WWOX: variants seen among roughly 807,000 people sequenced by gnomAD.
WWOX encodes WW domain containing oxidoreductase.
Under a neutral mutation model 46.2 loss-of-function variants are expected in WWOX, and 69 were observed. The observed-to-expected ratio is 1.49, with a 90% CI of 1.23 to 1.82. WWOX has a LOEUF of 1.82. WWOX is among the 40% of genes most tolerant of loss of function. WWOX has a pLI of 0.00. For synonymous variants in WWOX, 359 were observed against 202.6 expected (o/e 1.77, Z -6.56); for missense variants, 919 against 542.6 (o/e 1.69, Z -6.89).
chr16:78,897,259 A>AAAAAC (rs1555562311), intron 8 of WWOX: 1 of 149,722 alleles, frequency 6.7e-6, no homozygotes, highest in Non-Finnish European at 1.5e-5. Flanking sequence ...AAAAAAAAAA[A>AAAAAC]AAAAAAACCA....
chr16:78,420,814 C>A (rs1433983167), intron 6 of WWOX, among the ~76,000 whole-genome samples: 1 of 151,794 alleles, frequency 6.6e-6, no homozygotes, highest in East Asian at 1.9e-4. Context: ...TTAGCTAATG[C>A]TTATTGTAGA....
chr16:79,111,322 G>T (rs1332656046), intron 8 of WWOX, among the ~76,000 whole-genome samples: 1 of 152,144 alleles, frequency 6.6e-6, no homozygotes, highest in Non-Finnish European at 1.5e-5. Context: ...TTTAATTTTT[G>T]GTTTTGAAAA....
chr16:78,485,310 G>T (rs1597150685), intron 8 of WWOX, among the ~76,000 whole-genome samples: 3 of 152,106 alleles, frequency 2.0e-5, no homozygotes, highest in Admixed American at 2.0e-4. Context: ...GATCTTTTGG[G>T]TGGTTGATGT....
intron 8 of WWOX, among the ~76,000 whole-genome samples, chr16:78,485,533 G>A (rs964641617): frequency 6.6e-6 from 1 of 152,092 alleles, no homozygotes; most frequent in African/African-American, 2.4e-5. Flanking sequence ...CCTTTCAAAC[G>A]TTATTCCACA....
Position 78,421,732 on chromosome 16 carries a change from T to C in WWOX, c.606-3138T>C, listed in dbSNP as rs894869511. Among the ~76,000 whole-genome samples, 10 of 152,278 alleles carry C rather than the reference T, an allele frequency of 6.6e-5. No homozygotes were observed. In the South Asian group the frequency reaches 1.9e-3, roughly 28 times the overall value. On this transcript the variant is annotated intron_variant, in intron 6 of 8. Coordinates refer to ENST00000566780, the MANE Select transcript of WWOX (RefSeq NM_016373.4). ...TTTATATAGAATGGAAAAACAACAG[T>C]AAAGCTGGCTAAAACTTGATCTGCT... is the stretch of plus-strand genomic sequence containing the variant.
chr16:78,489,208 G>A (rs1014834648), intron 8 of WWOX, among the ~76,000 whole-genome samples: 1 of 152,154 alleles, frequency 6.6e-6, no homozygotes, highest in South Asian at 2.1e-4. Flanking sequence ...AGTCTAACCA[G>A]GATGATAATG....
intron 8 of WWOX, among the ~76,000 whole-genome samples, chr16:78,932,946 C>G (rs572258788): frequency 5.3e-5 from 8 of 152,182 alleles, no homozygotes; most frequent in African/African-American, 9.7e-5. Context: ...GCTGCCTGCC[C>G]TCTGGTTGAA....
intron 8 of WWOX, among the ~76,000 whole-genome samples, chr16:78,825,033 C>G (rs141720194): frequency 1.3e-5 from 2 of 152,190 alleles, no homozygotes; most frequent in East Asian, 1.9e-4. Flanking sequence ...TCTCACCATC[C>G]CCTAAACCCT....
At position 78,680,646 on chromosome 16, in the gene WWOX, C is replaced by G. The variant is rs551484288; in HGVS notation, c.1056+247894C>G. On this transcript the variant is annotated intron_variant, in intron 8 of 8. Coordinates refer to ENST00000566780, the MANE Select transcript of WWOX (RefSeq NM_016373.4). ...TTTTAAATAAAATTAAAGATTCAATCTCTCACTCACACATTACAAGTGCTA... is the reference window on the plus strand; with the variant it reads ...TTTTAAATAAAATTAAAGATTCAATGTCTCACTCACACATTACAAGTGCTA... Among the ~76,000 whole-genome samples, 6 of 152,324 alleles carry G rather than the reference C, an allele frequency of 3.9e-5. No individual in the cohort carries two copies. In the South Asian group the frequency reaches 1.2e-3, roughly 32 times the overall value.
Position 78,657,306 on chromosome 16 carries a change from C to T in WWOX, c.1056+224554C>T, listed in dbSNP as rs191420948. Among the ~76,000 whole-genome samples, 720 of 152,278 alleles carry T rather than the reference C, an allele frequency of 4.7e-3. 5 individuals are homozygous for T. Among genetic ancestry groups the T allele is most frequent in the South Asian group, 7.9e-3 (38 of 4,826 alleles). On this transcript the variant is annotated intron_variant, in intron 8 of 8. Coordinates refer to ENST00000566780, the MANE Select transcript of WWOX (RefSeq NM_016373.4). ...CTTCCACCCTTCCAAATGCCCTTAA[C>T]CCACAGATGGGAAGAAAATGAGGTG...
intron 8 of WWOX, among the ~76,000 whole-genome samples, chr16:78,809,374 A>C (rs919289442): frequency 6.6e-6 from 1 of 151,432 alleles, no homozygotes; most frequent in Non-Finnish European, 1.5e-5. Flanking sequence ...GCATTTTTCG[A>C]ATGAAAACTT....
At chr16:79,040,702 C>T (rs544958906) in intron 8 of WWOX, among the ~76,000 whole-genome samples, 2 of 152,096 alleles carry the variant, frequency 1.3e-5, no homozygotes, top group African/African-American at 2.4e-5. Context: ...GCAAAAGAGT[C>T]ACAGATCATT....
At chr16:78,796,945 C>G (rs912274675) in intron 8 of WWOX, among the ~76,000 whole-genome samples, 3 of 152,006 alleles carry the variant, frequency 2.0e-5, no homozygotes, top group African/African-American at 4.8e-5. Flanking sequence ...CCTGCCTCAG[C>G]CTTCCAAGTA....
At chr16:78,475,984 G>C (rs560338356) in intron 8 of WWOX, among the ~76,000 whole-genome samples, 13 of 152,230 alleles carry the variant, frequency 8.5e-5, no homozygotes, top group African/African-American at 2.9e-4. Context: ...ACCTACCTAG[G>C]TTTTTCTTTC....
intron 5 of WWOX, among the ~76,000 whole-genome samples, chr16:78,284,433 C>T (rs2079734772): frequency 6.6e-6 from 1 of 152,224 alleles, no homozygotes; most frequent in African/African-American, 2.4e-5. Context: ...TTATCTTTGT[C>T]TATTACATCA....
intron 8 of WWOX, among the ~76,000 whole-genome samples, chr16:79,013,368 C>A (rs556162082): frequency 1.3e-5 from 2 of 152,352 alleles, no homozygotes; most frequent in South Asian, 2.1e-4. Flanking sequence ...CCCAGGAGAA[C>A]TGCCCCGATC....
intron 8 of WWOX, among the ~76,000 whole-genome samples, chr16:78,435,462 G>A (rs1277440472): frequency 6.6e-6 from 1 of 152,178 alleles, no homozygotes; most frequent in Admixed American, 6.5e-5. Context: ...AGCAGCCTTG[G>A]GTAAAAGATT....
chr16:78,520,204 G>C (rs1309266866), intron 8 of WWOX, among the ~76,000 whole-genome samples: 1 of 152,152 alleles, frequency 6.6e-6, no homozygotes, highest in Non-Finnish European at 1.5e-5. Context: ...TTGCCAGGCT[G>C]GACTCTAAAT....
intron 8 of WWOX, among the ~76,000 whole-genome samples, chr16:78,821,722 C>G (rs779711835): frequency 5.3e-5 from 8 of 152,264 alleles, no homozygotes; most frequent in Middle Eastern, 3.4e-3. Flanking sequence ...AGCTTTAAAC[C>G]CAAGTCTATT....
Sources: gnomAD v4.1 joint callset for allele counts (sites outside exome capture counted in the v4.1 genomes callset) on GRCh38, gnomAD v4.1.1 for gene constraint, MANE v1.5 for transcripts, NCBI Gene and HGNC (gene_info 2026-07-23, HGNC 2026-07-21) for gene names.